The following TRIM55 variants were observed in gnomAD, a reference collection of about 807,000 sequenced individuals.
The protein encoded by TRIM55 is tripartite motif containing 55.
TRIM55 carries 50 observed loss-of-function variants against 60.9 expected under a neutral mutation model. That is an observed-to-expected ratio of 0.82 (90% CI 0.65 to 1.04). The LOEUF is 1.04. TRIM55 is among the 50% of genes least tolerant of loss of function. TRIM55 has a pLI of 0.00. For synonymous variants in TRIM55, 237 were observed against 238.1 expected (o/e 1.00, Z 0.04); for missense variants, 681 against 666.9 (o/e 1.02, Z -0.23).
chr8:66,145,364 C>A (rs1042336308), intron 4 of TRIM55, among the ~76,000 whole-genome samples: 2 of 152,158 alleles, frequency 1.3e-5, no homozygotes, highest in African/African-American at 4.8e-5. Flanking sequence ...ATTTATCTAA[C>A]TCTTACCATT....
chr8:66,120,188 G>T, the TRIM55 span, among the ~76,000 whole-genome samples: 1 of 152,144 alleles, frequency 6.6e-6, no homozygotes, highest in Admixed American at 6.5e-5. Flanking sequence ...TATCATATTT[G>T]TTGTAGTGGT....
chr8:66,157,429 A>C (rs759862673), intron 9 of TRIM55, among the ~76,000 whole-genome samples: 2 of 152,218 alleles, frequency 1.3e-5, no homozygotes, highest in Non-Finnish European at 2.9e-5. Context: ...AATATTTTGC[A>C]GGTCTGATTC....
chr8:66,125,449 G>C (rs1014848837), upstream of TRIM55, among the ~76,000 whole-genome samples: 1 of 152,316 alleles, frequency 6.6e-6, no homozygotes, highest in South Asian at 2.1e-4. Context: ...CCTTCTAAAA[G>C]AAAAGACTCT....
Position 66,154,370 on chromosome 8 carries a change from C to T in TRIM55, c.1524+36C>T, listed in dbSNP as rs192235932. On this transcript the variant is annotated intron_variant, in intron 9 of 9. Transcript: ENST00000315962. Reference sequence around the variant, plus strand: ...ATGCACTTGTGTCTATGCTTTCCCGCGCCCCCTAGGGTCCCACTGGAACAG... The same window carrying T: ...ATGCACTTGTGTCTATGCTTTCCCGTGCCCCCTAGGGTCCCACTGGAACAG... 637 of 1,600,936 alleles carry T rather than the reference C, an allele frequency of 4.0e-4. 1 individual carries two copies. The East Asian group carries it at 0.012, about 30-fold the overall frequency.
At chr8:66,120,135 A>T in the TRIM55 span, among the ~76,000 whole-genome samples, 2 of 152,188 alleles carry the variant, frequency 1.3e-5, no homozygotes, top group African/African-American at 4.8e-5. Flanking sequence ...AATACCTGAG[A>T]CAGGGAGCTG....
intron 4 of TRIM55, among the ~76,000 whole-genome samples, chr8:66,145,722 G>A (rs146775430): frequency 0.027 from 4,065 of 152,096 alleles, 182 homozygotes; most frequent in African/African-American, 0.091. Flanking sequence ...GGGCAATGGC[G>A]CGATCTTGGC....
At chr8:66,172,313 C>T (rs962725571) in intron 9 of TRIM55, among the ~76,000 whole-genome samples, 3 of 152,174 alleles carry the variant, frequency 2.0e-5, no homozygotes, top group African/African-American at 7.2e-5. Flanking sequence ...TTGCACAGAA[C>T]TTTCTTTGCT....
In TRIM55 at chr8:66,172,922, G is replaced by T. The variant is rs561019351; in HGVS notation, c.1525-1549G>T. Among the ~76,000 whole-genome samples, 22 of 152,238 alleles carry T rather than the reference G, an allele frequency of 1.4e-4. No homozygotes were observed. In the East Asian group the frequency reaches 1.5e-3, roughly 11 times the overall value. On this transcript the variant is annotated intron_variant, in intron 9 of 9. Transcript: ENST00000315962. ...GTCATTTGGGCTTTCGGGGTTTTTT[G>T]TTGTTGTTGTTTTTTGCATAAGCCA...
intron 7 of TRIM55, 79 bp downstream of exon 7, chr8:66,150,545 G>A (rs1810358267): frequency 3.2e-6 from 5 of 1,543,648 alleles, no homozygotes; most frequent in African/African-American, 2.7e-5. Context: ...AGGAAAGCGG[G>A]GATTCAGAAT....
At chr8:66,129,731 G>T (rs1809032329) in intron 2 of TRIM55, among the ~76,000 whole-genome samples, 1 of 152,068 alleles carries the variant, frequency 6.6e-6, no homozygotes, top group Non-Finnish European at 1.5e-5. Context: ...AACTTAACCA[G>T]CCAATTAAAA....
rs531617660 is a variant in TRIM55 at position 66,134,937 on chromosome 8, T to C, written c.342-53T>C. 6.0e-6 allele frequency: 9 copies of C among 1,493,880 alleles called. No homozygotes were observed. The South Asian group carries it at 1.0e-4, about 17-fold the overall frequency. 92.5% of individuals were successfully genotyped at this position (1,493,880 alleles called of 1,614,324 possible). A position where few individuals can be genotyped will look rare whatever the true frequency, so the allele number is the denominator to read the frequency against. ...CAGAGCAACATCAGCTCTGCCTTGA[T>C]GAGATTGCCCCAGTGAGAGCTGATG... On this transcript the variant is annotated intron_variant, in intron 2 of 9. Coordinates refer to ENST00000315962, the MANE Select transcript of TRIM55 (RefSeq NM_184085.2).
chr8:66,151,263 C>T (rs1810403575), intron 7 of TRIM55, among the ~76,000 whole-genome samples: 1 of 152,168 alleles, frequency 6.6e-6, no homozygotes, highest in Non-Finnish European at 1.5e-5. Flanking sequence ...ACTCCCTGAG[C>T]TATAACCACA....
In TRIM55 at chr8:66,135,051, T is replaced by C. The variant is rs1809397859; in HGVS notation, c.403T>C (p.Tyr135His). 6.2e-7 allele frequency: 1 copy of C among 1,614,066 alleles called. No individual in the cohort carries two copies. Among genetic ancestry groups the C allele is most frequent in the African/African-American group, 1.3e-5 (1 of 74,924 alleles). The stretch of plus-strand genomic sequence containing the variant: ...ACATGAAGAGGAGCGCATCAACATC[T>C]ACTGTCTGAACTGCGAAGTACCCAC... ...EEHEEERINI[Y>H]CLNCEVPTCS... The change falls in exon 3 of 10, where the codon TAC (tyrosine) becomes CAC (histidine). Residue 135 changes from tyrosine to histidine, a missense_variant. Tyr to His is a moderately conservative substitution (Grantham distance 83). Transcript: ENST00000315962.
chr8:66,125,197 C>T (rs975190325), upstream of TRIM55, among the ~76,000 whole-genome samples: 14 of 152,250 alleles, frequency 9.2e-5, no homozygotes, highest in Non-Finnish European at 1.5e-4. Flanking sequence ...TCCTGGCACG[C>T]GCCCTTAACC....
Position 66,127,239 on chromosome 8 carries a change from C to T in TRIM55, c.-30C>T, listed in dbSNP as rs754580635. The T allele has an allele frequency of 6.2e-7, 1 of 1,601,836 alleles. No individual in the cohort carries two copies. Among genetic ancestry groups the T allele is most frequent in the Non-Finnish European group, 8.5e-7 (1 of 1,172,036 alleles). ...GCTGGAGCCACTCGCAGCACCCTTC[C>T]CTGGCAGCACACTTGGGGACAGCGA... On this transcript the variant is annotated 5_prime_UTR_variant, in exon 1 of 10. Transcript: ENST00000315962.
intron 9 of TRIM55, among the ~76,000 whole-genome samples, chr8:66,169,212 T>G (rs1227197940): frequency 6.6e-6 from 1 of 152,186 alleles, no homozygotes; most frequent in African/African-American, 2.4e-5. Context: ...TTGTTTAGTT[T>G]CATTAGGTAG....
At chr8:66,164,007 T>C (rs922723101) in intron 9 of TRIM55, among the ~76,000 whole-genome samples, 23 of 149,208 alleles carry the variant, frequency 1.5e-4, no homozygotes, top group African/African-American at 5.4e-4. Context: ...CCAAGATAAG[T>C]GTTTTTTTTT....
At chr8:66,150,547 A>T in intron 7 of TRIM55, 81 bp downstream of exon 7, 1 of 1,517,016 alleles carries the variant, frequency 6.6e-7, no homozygotes, top group Non-Finnish European at 9.1e-7. Context: ...GAAAGCGGGG[A>T]TTCAGAATCA....
At chr8:66,167,258 G>A (rs574634136) in intron 9 of TRIM55, among the ~76,000 whole-genome samples, 6 of 152,058 alleles carry the variant, frequency 3.9e-5, no homozygotes, top group South Asian at 4.2e-4. Context: ...TAATACTATC[G>A]ACCTCCCATG....
Sources: allele counts gnomAD v4.1 joint callset (sites outside exome capture counted in the v4.1 genomes callset), GRCh38; gene constraint gnomAD v4.1.1; transcripts MANE v1.5; gene names NCBI Gene and HGNC (gene_info 2026-07-23, HGNC 2026-07-21).